LRMDA: variants seen among roughly 807,000 people sequenced by gnomAD.
LRMDA encodes the protein leucine-rich melanocyte differentiation-associated protein.
Under a neutral mutation model 29.8 loss-of-function variants are expected in LRMDA, and 18 were observed. That is an observed-to-expected ratio of 0.60 (90% confidence interval 0.42 to 0.90). LRMDA has a LOEUF of 0.90. LRMDA is among the 40% of genes least tolerant of loss of function. LRMDA has a pLI of 0.00. For missense variants in LRMDA, 273 were observed against 273.9 expected (o/e 1.00, Z 0.02); for synonymous variants, 125 against 109.4 (o/e 1.14, Z -0.89).
intron 5 of LRMDA, among the ~76,000 whole-genome samples, chr10:76,275,895 C>G (rs982183871): frequency 6.6e-6 from 1 of 152,004 alleles, no homozygotes; most frequent in African/African-American, 2.4e-5. Flanking sequence ...AGGCTGTATT[C>G]ATTATCATTG....
intron 5 of LRMDA, among the ~76,000 whole-genome samples, chr10:76,136,601 C>T (rs1482631521): frequency 9.9e-6 from 1 of 100,504 alleles, no homozygotes; most frequent in Admixed American, 1.3e-4. Flanking sequence ...TACAAGTGAA[C>T]TTTTAAACAT....
chr10:76,079,695 A>G (rs1849019837), intron 5 of LRMDA, among the ~76,000 whole-genome samples: 1 of 152,234 alleles, frequency 6.6e-6, no homozygotes, highest in Non-Finnish European at 1.5e-5. Context: ...TAGTGAAAGT[A>G]TTTCCTTCCA....
intron 4 of LRMDA, among the ~76,000 whole-genome samples, chr10:76,049,049 A>T (rs1056350121): frequency 2.0e-5 from 3 of 152,112 alleles, no homozygotes; most frequent in Admixed American, 6.5e-5. Context: ...ATCCATTTGG[A>T]TGTCAACAAA....
chr10:75,528,577 T>C (rs1327747358), intron 2 of LRMDA, among the ~76,000 whole-genome samples: 1 of 152,188 alleles, frequency 6.6e-6, no homozygotes, highest in Non-Finnish European at 1.5e-5. Flanking sequence ...TCCCCTGAAC[T>C]TCACGACTAG....
At chr10:75,558,155 A>AT (rs11292875) in intron 2 of LRMDA, among the ~76,000 whole-genome samples, 12,175 of 132,354 alleles carry the variant, frequency 0.092, 736 homozygotes, top group East Asian at 0.31. Flanking sequence ...CAGTGGTATG[A>AT]TTTTTTTTTT....
At chr10:75,750,096 A>T (rs974234557) in intron 2 of LRMDA, among the ~76,000 whole-genome samples, 1 of 152,192 alleles carries the variant, frequency 6.6e-6, no homozygotes, top group African/African-American at 2.4e-5. Context: ...TTTCTATTCG[A>T]CAAAACCACC....
chr10:76,161,230 AAC>A (rs1024488285), intron 5 of LRMDA, among the ~76,000 whole-genome samples: 6 of 152,194 alleles, frequency 3.9e-5, no homozygotes, highest in Non-Finnish European at 5.9e-5. Context: ...AATGAGCAAT[AAC>A]ACCGGAATAA....
At chr10:76,295,062 T>A (rs1840394899) in intron 5 of LRMDA, among the ~76,000 whole-genome samples, 1 of 152,186 alleles carries the variant, frequency 6.6e-6, no homozygotes, top group Non-Finnish European at 1.5e-5. Flanking sequence ...ATTAAGATGG[T>A]ACATAGAACA....
intron 2 of LRMDA, among the ~76,000 whole-genome samples, chr10:75,862,178 T>TCACACACACACACACA (rs3042514): frequency 2.4e-4 from 36 of 147,582 alleles, no homozygotes; most frequent in Non-Finnish European, 2.5e-4. Context: ...AACCTTGGGT[T>TCACACACACACACACA]CACACACACA....
intron 5 of LRMDA, among the ~76,000 whole-genome samples, chr10:76,094,220 G>C (rs1055775598): frequency 1.3e-5 from 2 of 152,164 alleles, no homozygotes; most frequent in African/African-American, 4.8e-5. Flanking sequence ...TTACCAAATA[G>C]AGACCTTTCT....
intron 2 of LRMDA, among the ~76,000 whole-genome samples, chr10:75,875,298 C>T (rs1325949671): frequency 6.6e-6 from 1 of 152,202 alleles, no homozygotes; most frequent in Non-Finnish European, 1.5e-5. Context: ...CTGGGAGCTG[C>T]TGGTTTAGTG....
chr10:76,145,559 C>T lies in LRMDA; in HGVS notation c.516+86776C>T, dbSNP rs192232440. 3.2e-4 allele frequency among the ~76,000 whole-genome samples: 48 copies of T among 151,956 alleles called. No homozygotes were observed. The South Asian group carries it at 4.2e-3, about 13-fold the overall frequency. ...ATATCCCCTTTGTCATTTTTTATTG[C>T]GTCTATTTGATTCTTCTCTCTTTTC... On this transcript the variant is annotated intron_variant, in intron 5 of 6. Transcript: ENST00000611255.
chr10:75,714,435 T>C (rs573827276), intron 2 of LRMDA, among the ~76,000 whole-genome samples: 2 of 152,346 alleles, frequency 1.3e-5, no homozygotes, highest in South Asian at 4.1e-4. Flanking sequence ...TATTATATTG[T>C]ATATTAATCC....
At position 75,720,552 on chromosome 10, in the gene LRMDA, A is replaced by T. The variant is rs151238472; in HGVS notation, c.131+282058A>T. On this transcript the variant is annotated intron_variant, in intron 2 of 6. Coordinates refer to ENST00000611255, the MANE Select transcript of LRMDA (RefSeq NM_001305581.2). The stretch of plus-strand genomic sequence containing the variant: ...AAGTTTACTTTTTAGCGAGCTTAAC[A>T]GAGTAGTCTTCAGGTTAGTCAGTGA... 5.0e-3 allele frequency among the ~76,000 whole-genome samples: 760 copies of T among 152,336 alleles called. 8 individuals carry two copies. The highest frequency in any genetic ancestry group is 0.017 in the African/African-American group (715 of 41,574).
intron 2 of LRMDA, among the ~76,000 whole-genome samples, chr10:75,497,924 T>C (rs143742274): frequency 7.2e-4 from 110 of 152,310 alleles, no homozygotes; most frequent in Middle Eastern, 3.4e-3. Context: ...AGCAAATACA[T>C]GAGAGTGGAA....
intron 2 of LRMDA, among the ~76,000 whole-genome samples, chr10:75,934,620 GC>G (rs1195209777): frequency 6.6e-6 from 1 of 152,176 alleles, no homozygotes; most frequent in Middle Eastern, 3.2e-3. Context: ...TGTGCTCCTG[GC>G]TAGTGGGGAA....
intron 2 of LRMDA, among the ~76,000 whole-genome samples, chr10:76,005,267 A>G (rs1352316555): frequency 1.3e-5 from 2 of 152,182 alleles, no homozygotes; most frequent in Admixed American, 6.5e-5. Flanking sequence ...ATGTCTTTCA[A>G]TACATATTAA....
chr10:75,522,820 C>A (rs1038165763), intron 2 of LRMDA, among the ~76,000 whole-genome samples: 1 of 152,144 alleles, frequency 6.6e-6, no homozygotes, highest in Non-Finnish European at 1.5e-5. Flanking sequence ...CTGGGGCAAG[C>A]AGGACGCAGA....
At position 75,601,792 on chromosome 10, in the gene LRMDA, G is replaced by T. The variant is rs866449377; in HGVS notation, c.131+163298G>T. On this transcript the variant is annotated intron_variant, in intron 2 of 6. Transcript: ENST00000611255. ...TCTCAACTACCCTATGAGCTAGGTG[G>T]TATTATTATCATTACCAGTAACTTG... Among the ~76,000 whole-genome samples the T allele has an allele frequency of 3.3e-5, 5 of 152,210 alleles. No individual in the cohort carries two copies. The South Asian group carries it at 6.2e-4, about 19-fold the overall frequency.
Sources: allele counts gnomAD v4.1 joint callset (sites outside exome capture counted in the v4.1 genomes callset), GRCh38; gene constraint gnomAD v4.1.1; transcripts MANE v1.5; gene names NCBI Gene and HGNC (gene_info 2026-07-23, HGNC 2026-07-21).